The following CDH18 variants were observed in gnomAD, a reference collection of about 807,000 sequenced individuals.
CDH18 encodes cadherin-18.
A neutral mutation model predicts 67.9 loss-of-function variants in CDH18; 31 were observed. The observed-to-expected ratio is 0.46, with a 90% CI of 0.34 to 0.62. The LOEUF (loss-of-function observed/expected upper bound fraction) is 0.62, where lower values mean the gene tolerates loss of function less well. Ranked by LOEUF, CDH18 falls within the 20% of genes least tolerant of loss-of-function variation. The pLI is 0.01. For synonymous variants in CDH18, 362 were observed against 347.2 expected, an observed-to-expected ratio of 1.04 and a Z score of -0.48; for missense variants, 890 against 975.5, an observed-to-expected ratio of 0.91 and a Z score of 1.17.
rs146497880 is a variant in CDH18 at position 20,205,875 on chromosome 5, C to T, written c.-518+49569G>A. Among the ~76,000 whole-genome samples the T allele has an allele frequency of 9.2e-5, 14 of 151,594 alleles. No homozygotes were observed. The East Asian group carries it at 2.7e-3, about 29-fold the overall frequency. On this transcript the variant is annotated intron_variant, in intron 2 of 14. Transcript: ENST00000507958. The stretch of plus-strand genomic sequence containing the variant: ...GCAGTACTAAGAGGGAAGTTTATAA[C>T]AATAAATATCTATACCAAAAAAGTG...
intron 2 of CDH18, among the ~76,000 whole-genome samples, chr5:20,068,349 A>G (rs1743164354): frequency 6.6e-6 from 1 of 152,142 alleles, no homozygotes; most frequent in African/African-American, 2.4e-5. Context: ...ACAATACTAC[A>G]TCATTGGTTT....
chr5:20,269,890 A>G (rs746906233), intron 1 of CDH18, among the ~76,000 whole-genome samples: 1 of 152,124 alleles, frequency 6.6e-6, no homozygotes, highest in African/African-American at 2.4e-5. Flanking sequence ...AAGGAGATAA[A>G]GAAAATGTAC....
intron 1 of CDH18, among the ~76,000 whole-genome samples, chr5:20,360,177 A>G (rs980345307): frequency 2.1e-5 from 3 of 144,154 alleles, no homozygotes; most frequent in African/African-American, 5.4e-5. Context: ...ATAATAAACC[A>G]TTAGATAAAC....
intron 1 of CDH18, among the ~76,000 whole-genome samples, chr5:20,406,282 C>A (rs932941938): frequency 7.2e-5 from 11 of 151,976 alleles, no homozygotes; most frequent in Admixed American, 2.6e-4. Flanking sequence ...TGTCCTTTGT[C>A]GGGACATGGA....
chr5:19,809,681 G>A (rs1442376761), intron 3 of CDH18, among the ~76,000 whole-genome samples: 1 of 152,138 alleles, frequency 6.6e-6, no homozygotes, highest in Non-Finnish European at 1.5e-5. Flanking sequence ...ATATTTTAGT[G>A]TTGTTGTTGT....
At chr5:19,476,256 G>A (rs972156540) in intron 12 of CDH18, among the ~76,000 whole-genome samples, 2 of 151,958 alleles carry the variant, frequency 1.3e-5, no homozygotes, top group African/African-American at 2.4e-5. Context: ...TTCAATGAGG[G>A]TCACTACAGC....
chr5:20,132,546 C>T (rs1749355878), intron 2 of CDH18, among the ~76,000 whole-genome samples: 2 of 152,062 alleles, frequency 1.3e-5, no homozygotes, highest in African/African-American at 4.8e-5. Context: ...CTATCCCCCA[C>T]CTTTACTATT....
chr5:19,758,986 C>A (rs1390204809), intron 3 of CDH18, among the ~76,000 whole-genome samples: 1 of 152,212 alleles, frequency 6.6e-6, no homozygotes, highest in Non-Finnish European at 1.5e-5. Context: ...AGTTGATATA[C>A]CTCTGAGGTA....
chr5:20,376,107 T>TTTTTTTTTTTTTTTTTTTTTTTTTTTTG (rs1318320616), intron 1 of CDH18, among the ~76,000 whole-genome samples: 1 of 112,902 alleles, frequency 8.9e-6, no homozygotes, highest in African/African-American at 3.1e-5. Context: ...TTTTTTTTTT[T>TTTTTTTTTTTTTTTTTTTTTTTTTTTTG]TTTTGAGACG....
At chr5:20,363,266 C>T (rs1742235493) in intron 1 of CDH18, among the ~76,000 whole-genome samples, 1 of 151,988 alleles carries the variant, frequency 6.6e-6, no homozygotes, top group South Asian at 2.1e-4. Context: ...GGGTGAATCC[C>T]CTGAGGTCAG....
intron 1 of CDH18, among the ~76,000 whole-genome samples, chr5:20,522,414 C>A (rs1755803094): frequency 6.6e-6 from 1 of 152,126 alleles, no homozygotes; most frequent in African/African-American, 2.4e-5. Flanking sequence ...AAGAATGAAT[C>A]TTATCCTTTA....
At chr5:19,576,265 A>G (rs1742296999) in intron 7 of CDH18, among the ~76,000 whole-genome samples, 1 of 152,158 alleles carries the variant, frequency 6.6e-6, no homozygotes, top group Admixed American at 6.5e-5. Context: ...CAAACTAAAG[A>G]GCTTCTTCAT....
chr5:20,048,661 G>T (rs183950177), intron 2 of CDH18, among the ~76,000 whole-genome samples: 5 of 151,586 alleles, frequency 3.3e-5, no homozygotes, highest in African/African-American at 1.2e-4. Flanking sequence ...ATCCCCCCTG[G>T]ATATCTAAGT....
At chr5:20,087,549 T>C (rs1745075071) in intron 2 of CDH18, among the ~76,000 whole-genome samples, 1 of 151,554 alleles carries the variant, frequency 6.6e-6, no homozygotes, top group African/African-American at 2.4e-5. Context: ...GACCTTAACC[T>C]TCAGCAAACA....
chr5:19,986,635 A>T (rs1799591673), intron 1 of CDH18, among the ~76,000 whole-genome samples: 2 of 152,216 alleles, frequency 1.3e-5, no homozygotes, highest in African/African-American at 2.4e-5. Flanking sequence ...TCAATTTATT[A>T]TTAAGATATC....
At chr5:19,799,736 G>GCTAAAAT (rs1173250904) in intron 3 of CDH18, among the ~76,000 whole-genome samples, 1 of 151,998 alleles carries the variant, frequency 6.6e-6, no homozygotes, top group Non-Finnish European at 1.5e-5. Context: ...TAGTATGTTA[G>GCTAAAAT]CTAAAATCGG....
chr5:20,095,348 AAAG>A (rs1745820622), intron 2 of CDH18, among the ~76,000 whole-genome samples: 14 of 78,170 alleles, frequency 1.8e-4, no homozygotes, highest in Middle Eastern at 0.011. Context: ...AGAAAGAAAG[AAAG>A]AAAGAAAGAA....
At chr5:20,502,186 C>T (rs570463230) in intron 1 of CDH18, among the ~76,000 whole-genome samples, 8 of 152,098 alleles carry the variant, frequency 5.3e-5, no homozygotes, top group Non-Finnish European at 1.0e-4. Context: ...TTCTATTTCA[C>T]ATAATTCTTT....
At chr5:20,185,621 G>A (rs1020702604) in intron 2 of CDH18, among the ~76,000 whole-genome samples, 8 of 151,932 alleles carry the variant, frequency 5.3e-5, no homozygotes, top group African/African-American at 1.7e-4. Context: ...AATTCCTTCT[G>A]TAGATATCTT....
Sources: gnomAD v4.1 joint callset for allele counts (sites outside exome capture counted in the v4.1 genomes callset) on GRCh38, gnomAD v4.1.1 for gene constraint, MANE v1.5 for transcripts, NCBI Gene and HGNC (gene_info 2026-07-23, HGNC 2026-07-21) for gene names.